Variants in RBMS3 observed in about 807,000 individuals in gnomAD.
RBMS3 encodes RNA binding motif single stranded interacting protein 3, also known as RNA-binding motif, single-stranded-interacting protein 3.
A neutral mutation model predicts 66.8 loss-of-function variants in RBMS3; 27 were observed. The observed-to-expected ratio is 0.40, with a 90% CI of 0.30 to 0.56. The LOEUF (loss-of-function observed/expected upper bound fraction) is 0.56, where lower values mean the gene tolerates loss of function less well. RBMS3 is among the 20% of genes least tolerant of loss of function. RBMS3 has a pLI of 0.40. For missense variants in RBMS3, 513 were observed against 549.5 expected (o/e 0.93, Z 0.66); for synonymous variants, 188 against 183.0 (o/e 1.03, Z -0.22).
At chr3:29,283,908 G>C (rs1468543913) in intron 1 of RBMS3, among the ~76,000 whole-genome samples, 2 of 152,136 alleles carry the variant, frequency 1.3e-5, no homozygotes, top group African/African-American at 2.4e-5. Flanking sequence ...GAGAGGAAAT[G>C]AGATGAAGAG....
At position 29,648,263 on chromosome 3, in the gene RBMS3, A is replaced by ATTTTTTTTTTTTTTT. The variant is rs749839563; in HGVS notation, c.399+61066_399+61080dup. ...AACATAGGGAAAATAGAAAATGTCT[A>ATTTTTTTTTTTTTTT]TTTTTTTTTTTTTTTTTTTTTTGCG... On this transcript the variant is annotated intron_variant, in intron 4 of 14. Transcript: ENST00000383767. Among the ~76,000 whole-genome samples the ATTTTTTTTTTTTTTT allele has an allele frequency of 3.1e-4, 24 of 77,642 alleles. 3 individuals carry two copies. Among genetic ancestry groups the ATTTTTTTTTTTTTTT allele is most frequent in the African/African-American group, 8.4e-4 (16 of 19,130 alleles). The allele number at this position is 77,642 out of a possible 152,430, so 50.9% of individuals were successfully genotyped here. A position where few individuals can be genotyped will look rare whatever the true frequency, so the allele number is the denominator to read the frequency against.
At chr3:29,966,901 AG>A (rs1175844121) in intron 12 of RBMS3, among the ~76,000 whole-genome samples, 1 of 152,206 alleles carries the variant, frequency 6.6e-6, no homozygotes, top group Admixed American at 6.5e-5. Context: ...TTAATCATAA[AG>A]GGATGCTGGA....
intron 2 of RBMS3, among the ~76,000 whole-genome samples, chr3:29,438,028 TTCTCTCTC>T (rs34431369): frequency 2.0e-4 from 28 of 142,558 alleles, no homozygotes; most frequent in Admixed American, 5.7e-4. Context: ...CCTTGCTTGT[TTCTCTCTC>T]TCTCTCTCTC....
Position 29,667,191 on chromosome 3 carries a change from A to G in RBMS3, c.400-72529A>G, listed in dbSNP as rs115675740. On this transcript the variant is annotated intron_variant, in intron 4 of 14. Coordinates refer to ENST00000383767, the MANE Select transcript of RBMS3 (RefSeq NM_001003793.3). ...AATTGGACAAGCTATGGCAATCTGA[A>G]TGAGATGAAATATGATTTTGAATAG... is the stretch of plus-strand genomic sequence containing the variant. Among the ~76,000 whole-genome samples, 774 of 152,338 alleles carry G rather than the reference A, an allele frequency of 5.1e-3. 4 individuals are homozygous for G. The highest frequency in any genetic ancestry group is 0.027 in the Middle Eastern group (8 of 294).
At chr3:29,970,499 A>G (rs937792204) in intron 12 of RBMS3, among the ~76,000 whole-genome samples, 2 of 151,948 alleles carry the variant, frequency 1.3e-5, no homozygotes, top group African/African-American at 4.8e-5. Context: ...CAGACCCTTT[A>G]TATCTTATTT....
intron 4 of RBMS3, among the ~76,000 whole-genome samples, chr3:29,625,839 G>A (rs964865682): frequency 7.9e-5 from 12 of 152,116 alleles, no homozygotes; most frequent in African/African-American, 2.7e-4. Context: ...AATCTATAAA[G>A]TGTATAAACT....
At chr3:29,424,485 G>A (rs949462396) in intron 1 of RBMS3, among the ~76,000 whole-genome samples, 2 of 152,188 alleles carry the variant, frequency 1.3e-5, no homozygotes, top group African/African-American at 4.8e-5. Context: ...GTGAGTACTG[G>A]GAAGTAGAAG....
At position 29,444,788 on chromosome 3, in the gene RBMS3, CTTTTTTTTT is replaced by C. The variant is rs558839351; in HGVS notation, c.248+9889_248+9897del. ...AATTCTTTCAAGCGGAAATATATGC[CTTTTTTTTT>C]TTTTTTTTTTTTTTTGCTCCATCTA... On this transcript the variant is annotated intron_variant, in intron 2 of 14. Coordinates refer to ENST00000383767, the MANE Select transcript of RBMS3 (RefSeq NM_001003793.3). Among the ~76,000 whole-genome samples, 9 of 50,500 alleles carry C rather than the reference CTTTTTTTTT, an allele frequency of 1.8e-4. 1 individual carries two copies. The highest frequency in any genetic ancestry group is 1.4e-3 in the South Asian group (1 of 740). 33.1% of individuals were successfully genotyped at this position (50,500 alleles called of 152,430 possible). A position where few individuals can be genotyped will look rare whatever the true frequency, so the allele number is the denominator to read the frequency against.
chr3:29,768,534 G>A (rs992269376), intron 6 of RBMS3, among the ~76,000 whole-genome samples: 1 of 151,758 alleles, frequency 6.6e-6, no homozygotes, highest in Non-Finnish European at 1.5e-5. Flanking sequence ...CTGTGATTTC[G>A]GCTGCATATG....
chr3:29,497,973 A>ACTTT (rs2043818679), intron 3 of RBMS3, among the ~76,000 whole-genome samples: 10 of 43,440 alleles, frequency 2.3e-4, no homozygotes, highest in African/African-American at 8.9e-4. Flanking sequence ...AAAAGTATTC[A>ACTTT]TTTTTTTTTT....
intron 8 of RBMS3, among the ~76,000 whole-genome samples, chr3:29,884,463 TCTCTCTCC>T (rs199835036): frequency 0.052 from 5,891 of 114,044 alleles, 680 homozygotes; most frequent in Middle Eastern, 0.083. Context: ...TCTCTCTCTC[TCTCTCTCC>T]CCCCCCGCTC....
At chr3:29,874,384 C>A (rs772799824) in intron 7 of RBMS3, among the ~76,000 whole-genome samples, 1 of 152,132 alleles carries the variant, frequency 6.6e-6, no homozygotes, top group Non-Finnish European at 1.5e-5. Context: ...TATCTTAGAT[C>A]ATTTTCCAAG....
At chr3:29,283,789 A>G (rs972368632) in intron 1 of RBMS3, among the ~76,000 whole-genome samples, 1 of 152,182 alleles carries the variant, frequency 6.6e-6, no homozygotes, top group African/African-American at 2.4e-5. Context: ...AATGTTGACA[A>G]TGCTTTGAAG....
At chr3:29,813,538 G>T (rs1321847513) in intron 6 of RBMS3, among the ~76,000 whole-genome samples, 1 of 152,050 alleles carries the variant, frequency 6.6e-6, no homozygotes, top group African/African-American at 2.4e-5. Context: ...TAGCTTGATG[G>T]GGATGGCATT....
At chr3:29,325,955 C>A (rs1257904919) in intron 1 of RBMS3, among the ~76,000 whole-genome samples, 1 of 152,124 alleles carries the variant, frequency 6.6e-6, no homozygotes, top group African/African-American at 2.4e-5. Context: ...TTCCCCAGGT[C>A]ACCTGGATAG....
At chr3:29,605,434 T>C (rs2048291282) in intron 4 of RBMS3, among the ~76,000 whole-genome samples, 1 of 151,844 alleles carries the variant, frequency 6.6e-6, no homozygotes, top group Admixed American at 6.6e-5. Flanking sequence ...ATGAAGTAAA[T>C]TTATACGCTT....
chr3:29,783,887 G>A (rs1362652116), intron 6 of RBMS3, among the ~76,000 whole-genome samples: 1 of 152,104 alleles, frequency 6.6e-6, no homozygotes, highest in Non-Finnish European at 1.5e-5. Flanking sequence ...AAAGTGAGCA[G>A]GAGTAGCTAT....
intron 12 of RBMS3, among the ~76,000 whole-genome samples, chr3:29,954,268 T>C (rs1695878534): frequency 6.6e-6 from 1 of 151,944 alleles, no homozygotes; most frequent in Non-Finnish European, 1.5e-5. Flanking sequence ...TCATCTATTT[T>C]GCTTTTCATG....
At chr3:29,826,022 T>C (rs549685174) in intron 6 of RBMS3, among the ~76,000 whole-genome samples, 3 of 152,314 alleles carry the variant, frequency 2.0e-5, no homozygotes, top group African/African-American at 4.8e-5. Context: ...AATGATTCCT[T>C]TGAAAGCTTT....
Sources: allele counts gnomAD v4.1 joint callset (sites outside exome capture counted in the v4.1 genomes callset), GRCh38; gene constraint gnomAD v4.1.1; transcripts MANE v1.5; gene names NCBI Gene and HGNC (gene_info 2026-07-23, HGNC 2026-07-21).